POLRMT: variants seen among roughly 807,000 people sequenced by gnomAD.
POLRMT encodes the protein DNA-directed RNA polymerase, mitochondrial.
POLRMT carries 114 observed loss-of-function variants against 132.2 expected under a neutral mutation model. The ratio of observed to expected loss-of-function variants is 0.86; its 90% CI spans 0.74 to 1.01. POLRMT has a LOEUF of 1.01. Ranked by LOEUF, POLRMT falls within the 50% of genes least tolerant of loss-of-function variation. The pLI, the probability that POLRMT is intolerant of heterozygous loss-of-function variation, is 0.00. For synonymous variants in POLRMT, 1,020 were observed against 773.4 expected (o/e 1.32, Z -5.29); for missense variants, 2,003 against 1,729.1 (o/e 1.16, Z -2.81).
At chr19:624,638 C>T in intron 5 of POLRMT, 81 bp downstream of exon 5, 3 of 1,478,468 alleles carry the variant, frequency 2.0e-6, no homozygotes, top group Non-Finnish European at 2.8e-6. Context: ...CGGGGAGGCC[C>T]ATTGGTCTGA....
At chr19:630,340 A>G (rs570282152) in intron 2 of POLRMT, among the ~76,000 whole-genome samples, 172 bp from the exon 3 acceptor site, 5 of 152,026 alleles carry the variant, frequency 3.3e-5, no homozygotes, top group Non-Finnish European at 7.4e-5. Flanking sequence ...GCTGCTTTCC[A>G]GACACACGCA....
rs777191679 is a variant in POLRMT, at chr19:621,825, G to C, written c.1873C>G (p.Pro625Ala). 2 of 1,602,352 alleles carry C rather than the reference G, an allele frequency of 1.2e-6. No individual in the cohort carries two copies. Among genetic ancestry groups the C allele is most frequent in the Admixed American group, 1.7e-5 (1 of 59,996 alleles). ...VQQIGILKPH[P>A]AYVQLLEKAA... ...TTCTCCAGCAGCTGCACGTAGGCCG[G>C]GTGCGGCTTCAGGATGCCGATCTGG... is the stretch of plus-strand genomic sequence containing the variant. Residue 625 changes from proline (P) to alanine (A), a missense_variant, in exon 10 of 21, where the codon CCG (proline) becomes GCG (alanine). Coordinates refer to ENST00000588649, the MANE Select transcript of POLRMT (RefSeq NM_005035.4).
intron 1 of POLRMT, 37 bp downstream of exon 1, chr19:633,387 TG>T: frequency 6.8e-7 from 1 of 1,472,540 alleles, no homozygotes. Flanking sequence ...GCCCACGCCG[TG>T]GCCCCCGGGC....
chr19:629,082 G>A (rs1985223119), intron 3 of POLRMT, among the ~76,000 whole-genome samples: 1 of 152,176 alleles, frequency 6.6e-6, no homozygotes, highest in Non-Finnish European at 1.5e-5. Context: ...ACGAAGATGG[G>A]TGGGATACAT....
Position 619,275 on chromosome 19 carries a change from G to C in POLRMT, c.3088C>G (p.His1030Asp), listed in dbSNP as rs150930702. ...TTGAAGACCTGGCGTACGAGATAGT[G>C]AGAGGCCTCCCACACGAACTCCTGC... ...FPQEFVWEAS[H>D]YLVRQVFKSL... Residue 1030 changes from histidine (H) to aspartate (D), a missense_variant, in exon 14 of 21, where the codon CAC (histidine) becomes GAC (aspartate). Physicochemically the swap from His to Asp is moderately conservative, Grantham distance 81. Coordinates refer to ENST00000588649, the MANE Select transcript of POLRMT (RefSeq NM_005035.4). The C allele has an allele frequency of 6.2e-7, 1 of 1,608,184 alleles. No homozygotes were observed. The highest frequency in any genetic ancestry group is 1.4e-5 in the African/African-American group (1 of 73,944).
chr19:630,598 G>A (rs1189249437), intron 2 of POLRMT, among the ~76,000 whole-genome samples: 1 of 151,984 alleles, frequency 6.6e-6, no homozygotes, highest in African/African-American at 2.4e-5. Flanking sequence ...TCTAGCTCAG[G>A]GCCTCTGCAC....
rs1170140917 is a variant in POLRMT at position 632,827 on chromosome 19, C to A, written c.193+7G>T. The A allele has an allele frequency of 1.3e-6, 2 of 1,532,662 alleles. No individual in the cohort carries two copies. The highest frequency in any genetic ancestry group is 1.8e-6 in the Non-Finnish European group (2 of 1,141,714). The allele number at this position is 1,532,662 out of a possible 1,614,324, so 94.9% of individuals were successfully genotyped here. On this transcript the variant is annotated splice_region_variant and intron_variant, in intron 2 of 20. Transcript: ENST00000588649. ...CTCTCCCGGGCCGCCGTGGGGGTCGCGCTCACCCTCCAGCAGCTCCACGTG... is the reference window on the plus strand; with the variant it reads ...CTCTCCCGGGCCGCCGTGGGGGTCGAGCTCACCCTCCAGCAGCTCCACGTG...
Position 621,252 on chromosome 19 carries a change from G to T in POLRMT, c.2446C>A (p.Leu816Met), listed in dbSNP as rs1323719673. The part of the protein sequence containing the change: ...TYPCPPHFNH[L>M]GSDVARALLE... ...AGGGCCCGCGCCACGTCGCTGCCCA[G>T]GTGGTTGAAGTGCGGCGGGCAGGGG... Residue 816 changes from leucine (L) to methionine (M), a missense_variant, in exon 10 of 21, where the codon CTG becomes ATG. Leu to Met is a conservative substitution (Grantham distance 15). Coordinates refer to ENST00000588649, the MANE Select transcript of POLRMT (RefSeq NM_005035.4). 3 of 1,608,774 alleles carry T rather than the reference G, an allele frequency of 1.9e-6. No individual in the cohort carries two copies. The highest frequency in any genetic ancestry group is 2.5e-6 in the Non-Finnish European group (3 of 1,178,102).
chr19:631,456 G>C (rs1003596411), intron 2 of POLRMT, among the ~76,000 whole-genome samples: 1 of 151,790 alleles, frequency 6.6e-6, no homozygotes, highest in East Asian at 2.0e-4. Context: ...TGGCTAACAC[G>C]GTGAAACCCC....
At chr19:619,899 A>G in intron 12 of POLRMT, 59 bp downstream of exon 12, 1 of 1,595,302 alleles carries the variant, frequency 6.3e-7, no homozygotes, top group East Asian at 2.2e-5. Flanking sequence ...TGGGGCCGAG[A>G]CTCAGGGCTC....
chr19:629,327 C>A (rs960082548), intron 3 of POLRMT, among the ~76,000 whole-genome samples: 6 of 152,072 alleles, frequency 3.9e-5, no homozygotes, highest in Non-Finnish European at 5.9e-5. Context: ...AGGAAATGCT[C>A]AAGGCATTAG....
At position 617,337 on chromosome 19, in the gene POLRMT, A is replaced by C. The variant is rs755449658; in HGVS notation, c.3644-14T>G. 1 of 1,612,814 alleles carries C rather than the reference A, an allele frequency of 6.2e-7. No homozygotes were observed. The highest frequency in any genetic ancestry group is 1.1e-5 in the South Asian group (1 of 91,080). On this transcript the variant is annotated splice_polypyrimidine_tract_variant and intron_variant, in intron 20 of 20. Transcript: ENST00000588649. ...GGTCGAAGGCCCCTGCGGAGGAAGCAGAGCGGACGGCGTGGGTGGCGGGAA... is the reference window on the plus strand; with the variant it reads ...GGTCGAAGGCCCCTGCGGAGGAAGCCGAGCGGACGGCGTGGGTGGCGGGAA...
chr19:623,321 A>G (rs1490317656), intron 6 of POLRMT, 133 bp downstream of exon 6: 4 of 1,435,350 alleles, frequency 2.8e-6, no homozygotes, highest in Non-Finnish European at 3.7e-6. Flanking sequence ...CACGGAGCTC[A>G]GCCCCTGCGG....
At chr19:627,547 G>C (rs1260979697) in intron 3 of POLRMT, among the ~76,000 whole-genome samples, 1 of 152,118 alleles carries the variant, frequency 6.6e-6, no homozygotes. Flanking sequence ...CCTTTCACCA[G>C]CTTCAAGTGT....
rs770061094 is a variant in POLRMT, at chr19:619,725, C to G, written c.2927G>C (p.Arg976Pro). 3.1e-6 allele frequency: 5 copies of G among 1,599,820 alleles called. No individual in the cohort carries two copies. Among genetic ancestry groups the G allele is most frequent in the South Asian group, 2.2e-5 (2 of 89,988 alleles). ...FRRQDAQRGM[R>P]VAQVLEGFIT... ...GAAACCTTCCAGCACCTGTGCCACCCGCATGCCCCGCTGGGCGTCCTGCCT... is the reference window on the plus strand; with the variant it reads ...GAAACCTTCCAGCACCTGTGCCACCGGCATGCCCCGCTGGGCGTCCTGCCT... Residue 976 changes from arginine to proline, a missense_variant, in exon 13 of 21, where the codon CGG (arginine) becomes CCG (proline). Physicochemically the swap from Arg to Pro is moderately radical, Grantham distance 103 (BLOSUM62 -2). Coordinates refer to ENST00000588649, the MANE Select transcript of POLRMT (RefSeq NM_005035.4).
chr19:627,381 T>C (rs1985099753), intron 3 of POLRMT, among the ~76,000 whole-genome samples: 1 of 151,180 alleles, frequency 6.6e-6, no homozygotes, highest in African/African-American at 2.4e-5. Context: ...TCTCATCTCC[T>C]GACCTCGTGA....
intron 3 of POLRMT, among the ~76,000 whole-genome samples, chr19:626,050 C>A (rs1039164161): frequency 3.3e-5 from 5 of 152,010 alleles, no homozygotes; most frequent in Non-Finnish European, 5.9e-5. Flanking sequence ...ACCCTGCGAG[C>A]ACTGTGTCAG....
rs1451604621 is a variant in POLRMT, at chr19:618,520, G to A, written c.3390C>T (p.Ser1130=). Reference sequence around the variant, plus strand: ...AGTGCAGGGCGGTGAGCATCATGTGGGAGGAGTCCAGCGAGTGGATGAAGT... The same window carrying A: ...AGTGCAGGGCGGTGAGCATCATGTGAGAGGAGTCCAGCGAGTGGATGAAGT... ...PPNFIHSLDS[S]HMMLTALHCY... is the part of the protein sequence containing the mutation. The change falls in exon 17 of 21, where the codon TCC becomes TCT. Residue 1130 remains serine (S), a synonymous_variant. Coordinates refer to ENST00000588649, the MANE Select transcript of POLRMT (RefSeq NM_005035.4). 17 of 1,613,072 alleles carry A rather than the reference G, an allele frequency of 1.1e-5. No individual in the cohort carries two copies. Among genetic ancestry groups the A allele is most frequent in the Admixed American group, 3.3e-5 (2 of 59,948 alleles).
intron 15 of POLRMT, 93 bp from the exon 16 acceptor site, chr19:618,853 G>A: frequency 6.9e-7 from 1 of 1,448,850 alleles, no homozygotes; most frequent in Admixed American, 2.0e-5. Flanking sequence ...TGGCACGCTA[G>A]GATGGTGGCA....
Sources: allele counts gnomAD v4.1 joint callset (sites outside exome capture counted in the v4.1 genomes callset), GRCh38; gene constraint gnomAD v4.1.1; transcripts MANE v1.5; gene names NCBI Gene and HGNC (gene_info 2026-07-23, HGNC 2026-07-21).